The following VPS11 variants were observed in gnomAD, a reference collection of about 807,000 sequenced individuals.
The protein encoded by VPS11 is vacuolar protein sorting-associated protein 11 homolog.
Under a neutral mutation model 106.8 loss-of-function variants are expected in VPS11, and 51 were observed. The ratio of observed to expected loss-of-function variants is 0.48; its 90% CI spans 0.38 to 0.60. The LOEUF (loss-of-function observed/expected upper bound fraction) is 0.60, where lower values mean the gene tolerates loss of function less well. Among genes scored for constraint, VPS11 ranks in the 20% least tolerant of loss-of-function variants. The pLI, the probability that VPS11 is intolerant of heterozygous loss-of-function variation, is 0.00. For missense variants in VPS11, 950 were observed against 1,190.0 expected, an observed-to-expected ratio of 0.80 and a Z score of 2.97; for synonymous variants, 453 against 458.7, an observed-to-expected ratio of 0.99 and a Z score of 0.16.
rs1301149729 is a variant in VPS11, at chr11:119,078,637, G to A, written c.1996G>A (p.Ala666Thr). Residue 666 changes from alanine to threonine, a missense_variant, in exon 12 of 16, where the codon GCC (alanine) becomes ACC (threonine). Ala to Thr is a moderately conservative substitution (Grantham distance 58). Coordinates refer to ENST00000621676, the MANE Select transcript of VPS11 (RefSeq NM_021729.6). ...TCGCTTCTGCGACGTCTTTGACAAG[G>A]CCCTGGTCCTGTGCCAGATGCACGA... ...SGRFCDVFDK[A>T]LVLCQMHDFQ... 6.2e-7 allele frequency: 1 copy of A among 1,613,820 alleles called. No individual in the cohort carries two copies. Among genetic ancestry groups the A allele is most frequent in the South Asian group, 1.1e-5 (1 of 91,064 alleles).
chr11:119,068,808 A>G (rs1051950826), intron 1 of VPS11, among the ~76,000 whole-genome samples: 4 of 150,978 alleles, frequency 2.6e-5, no homozygotes, highest in Non-Finnish European at 5.9e-5. Flanking sequence ...CTGGAGTGCA[A>G]TGGCATGATC....
chr11:119,074,893 G>A (rs570960080), intron 7 of VPS11, among the ~76,000 whole-genome samples: 92 of 152,234 alleles, frequency 6.0e-4, no homozygotes, highest in Non-Finnish European at 1.1e-3. Context: ...GGGGGAAAAG[G>A]TATTCATCTC....
At chr11:119,070,117 G>A (rs944620711) in intron 3 of VPS11, 117 bp from the exon 4 acceptor site, 1 of 930,752 alleles carries the variant, frequency 1.1e-6, no homozygotes, top group Non-Finnish European at 1.5e-6. Context: ...AACCATTAGA[G>A]AGGTTGGGTA....
In VPS11 at chr11:119,081,689, G is replaced by A. The variant is rs1945858809; in HGVS notation, c.*66G>A. 4.5e-6 allele frequency: 7 copies of A among 1,570,560 alleles called. No individual in the cohort carries two copies. Among genetic ancestry groups the A allele is most frequent in the East Asian group, 2.3e-5 (1 of 43,408 alleles). On this transcript the variant is annotated 3_prime_UTR_variant, in exon 16 of 16. Coordinates refer to ENST00000621676, the MANE Select transcript of VPS11 (RefSeq NM_021729.6). ...AGAACAGACACAATGGGACCTGGGC[G>A]GGCGTTACACAGAAGGCTGGCTGAC...
At chr11:119,075,856 C>G (rs565064954) in intron 7 of VPS11, among the ~76,000 whole-genome samples, 1 of 151,580 alleles carries the variant, frequency 6.6e-6, no homozygotes, top group Admixed American at 6.6e-5. Context: ...GAGCCAAGAT[C>G]GTGCCACTGC....
At position 119,068,443 on chromosome 11, in the gene VPS11, CCTTTT is replaced by C. The variant is rs1945210222; in HGVS notation, c.187+434_187+438del. Reference sequence around the variant, plus strand: ...CTGCTACTAAATTCTGGCCTTTTTACCTTTTTTTTTTTTTTTTTTTTTTTGATACG... The same window carrying C: ...CTGCTACTAAATTCTGGCCTTTTTACTTTTTTTTTTTTTTTTTTTGATACG... On this transcript the variant is annotated intron_variant, in intron 1 of 15. Coordinates refer to ENST00000621676, the MANE Select transcript of VPS11 (RefSeq NM_021729.6). Among the ~76,000 whole-genome samples, 2 of 35,794 alleles carry C rather than the reference CCTTTT, an allele frequency of 5.6e-5. 1 individual carries two copies. Among genetic ancestry groups the C allele is most frequent in the African/African-American group, 1.2e-4 (2 of 17,272 alleles). 23.5% of individuals were successfully genotyped at this position (35,794 alleles called of 152,430 possible). A position where few individuals can be genotyped will look rare whatever the true frequency, so the allele number is the denominator to read the frequency against.
At chr11:119,080,060 CT>C (rs1043234528) in intron 14 of VPS11, among the ~76,000 whole-genome samples, 41 of 148,644 alleles carry the variant, frequency 2.8e-4, no homozygotes, top group Middle Eastern at 7.0e-3. Flanking sequence ...AATAGGCAAA[CT>C]TTTTTTTTTT....
intron 6 of VPS11, 82 bp downstream of exon 6, chr11:119,073,481 G>A (rs2134764612): frequency 8.6e-6 from 13 of 1,509,994 alleles, no homozygotes; most frequent in African/African-American, 1.4e-5. Flanking sequence ...ATATTGGCCA[G>A]GGTGTTTCCC....
chr11:119,071,519 G>A, intron 4 of VPS11, 77 bp from the exon 5 acceptor site: 1 of 1,550,322 alleles, frequency 6.5e-7, no homozygotes, highest in South Asian at 1.2e-5. Flanking sequence ...AGCCAGTATG[G>A]AGATGGGAAT....
intron 1 of VPS11, among the ~76,000 whole-genome samples, chr11:119,068,411 C>A (rs1945203559): frequency 1.4e-5 from 2 of 146,316 alleles, no homozygotes; most frequent in Admixed American, 6.8e-5. Flanking sequence ...CTTTCATCTT[C>A]ATGTTGCTGC....
chr11:119,070,494 T>TA, intron 4 of VPS11, 97 bp downstream of exon 4: 3 of 1,275,608 alleles, frequency 2.4e-6, no homozygotes, highest in African/African-American at 1.5e-5. Flanking sequence ...GTGGGAGTGT[T>TA]AAAGTTTTAA....
intron 11 of VPS11, 29 bp downstream of exon 11, chr11:119,078,363 A>G (rs782325086): frequency 6.6e-5 from 105 of 1,602,468 alleles, no homozygotes; most frequent in Non-Finnish European, 8.2e-5. Flanking sequence ...TTCAGGAGAA[A>G]AGACAGTTCG....
chr11:119,068,999 C>G (rs553720785), intron 1 of VPS11, among the ~76,000 whole-genome samples, 197 bp from the exon 2 acceptor site: 8 of 31,580 alleles, frequency 2.5e-4, no homozygotes, highest in Admixed American at 6.3e-4. Context: ...GATCCGCACC[C>G]CCCCCCCCCC....
In VPS11 at chr11:119,078,829, G is replaced by A. The variant is rs781907336; in HGVS notation, c.2098G>A (p.Glu700Lys). The A allele has an allele frequency of 5.6e-6, 9 of 1,613,708 alleles. No homozygotes were observed. The highest frequency in any genetic ancestry group is 1.7e-5 in the Admixed American group (1 of 59,968). ...GATCATGCACTACCACATGCAGCACGAGCAGTACCGGCAGGTCATCAGCGT... is the reference window on the plus strand; with the variant it reads ...GATCATGCACTACCACATGCAGCACAAGCAGTACCGGCAGGTCATCAGCGT... ...QQIMHYHMQH[E>K]QYRQVISVCE... is the part of the protein sequence containing the mutation. Residue 700 changes from glutamate to lysine, a missense_variant, in exon 13 of 16, where the codon GAG becomes AAG. Physicochemically the swap from Glu to Lys is moderately conservative, Grantham distance 56. Around this residue, in one of 3 missense-constraint regions of VPS11, gnomAD observed 453 missense variants for 514.6 expected, o/e 0.88. Coordinates refer to ENST00000621676, the MANE Select transcript of VPS11 (RefSeq NM_021729.6).
At position 119,071,747 on chromosome 11, in the gene VPS11, G is replaced by T; in HGVS notation, c.788G>T (p.Arg263Leu). ...ECVYLYQPDE[R>L]GPCFAFEGHK... ...GTCTACTTGTACCAGCCTGATGAAC[G>T]TGGGCCCTGCTTCGCCTTTGAGGGC... Residue 263 changes from arginine to leucine, a missense_variant, in exon 5 of 16, where the codon CGT becomes CTT. By Grantham distance (102) the Arg-to-Leu change is moderately radical. Coordinates refer to ENST00000621676, the MANE Select transcript of VPS11 (RefSeq NM_021729.6). The T allele has an allele frequency of 3.7e-6, 6 of 1,613,988 alleles. No individual in the cohort carries two copies. The highest frequency in any genetic ancestry group is 1.3e-5 in the African/African-American group (1 of 75,042).
In VPS11 at chr11:119,076,948, C is replaced by T; in HGVS notation, c.1290C>T (p.Ala430=). ...ACGTGATCCGCAAGTTTCTGGATGC[C>T]CAGCGCATTCACAACCTGACTGCCT... is the stretch of plus-strand genomic sequence containing the variant. ...PSYVIRKFLD[A]QRIHNLTAYL... is the part of the protein sequence containing the mutation. The change falls in exon 8 of 16, where the codon GCC becomes GCT. Residue 430 remains alanine (A), a synonymous_variant. Coordinates refer to ENST00000621676, the MANE Select transcript of VPS11 (RefSeq NM_021729.6). The T allele has an allele frequency of 6.2e-7, 1 of 1,613,978 alleles. No homozygotes were observed.
intron 1 of VPS11, chr11:119,068,262 C>G: frequency 2.4e-6 from 1 of 411,588 alleles, no homozygotes; most frequent in Non-Finnish European, 4.3e-6. Context: ...GTGTGCATGC[C>G]AATTTGACGA....
intron 14 of VPS11, among the ~76,000 whole-genome samples, chr11:119,080,300 T>G (rs893422936): frequency 3.4e-4 from 52 of 151,594 alleles, no homozygotes; most frequent in Non-Finnish European, 7.4e-5. Flanking sequence ...TCAGGGGATC[T>G]GCCTGCCTTG....
chr11:119,071,158 G>C (rs1945373566), intron 4 of VPS11, among the ~76,000 whole-genome samples: 1 of 151,906 alleles, frequency 6.6e-6, no homozygotes, highest in South Asian at 2.1e-4. Flanking sequence ...TCGAACTCCT[G>C]GGCCCAAGCA....
Sources: gnomAD v4.1 joint callset for allele counts (sites outside exome capture counted in the v4.1 genomes callset) on GRCh38, gnomAD v4.1.1 for gene constraint, gnomAD v4.1.1 regional missense constraint, MANE v1.5 for transcripts, NCBI Gene and HGNC (gene_info 2026-07-23, HGNC 2026-07-21) for gene names.